The following KIF6 variants were observed in gnomAD, a reference collection of about 807,000 sequenced individuals.
The protein encoded by KIF6 is kinesin-like protein KIF6.
In KIF6, 106 loss-of-function variants were observed where a neutral mutation model predicts 112.7. The observed-to-expected ratio is 0.94, with a 90% CI of 0.80 to 1.11. KIF6 has a LOEUF of 1.11. Among genes scored for constraint, KIF6 ranks in the 50% least tolerant of loss-of-function variants. The pLI, the probability that KIF6 is intolerant of heterozygous loss-of-function variation, is 0.00. For synonymous variants in KIF6, 339 were observed against 339.9 expected, an observed-to-expected ratio of 1.00 and a Z score of 0.03; for missense variants, 929 against 964.0, an observed-to-expected ratio of 0.96 and a Z score of 0.48.
chr6:39,377,292 T>C, intron 16 of KIF6, among the ~76,000 whole-genome samples: 1 of 152,132 alleles, frequency 6.6e-6, no homozygotes, highest in African/African-American at 2.4e-5. Context: ...CAAGCGATTC[T>C]CCTACCTTGG....
chr6:39,426,469 G>T (rs998948022), intron 14 of KIF6, among the ~76,000 whole-genome samples: 1 of 152,192 alleles, frequency 6.6e-6, no homozygotes, highest in Non-Finnish European at 1.5e-5. Flanking sequence ...GTAACATGGG[G>T]CTGAGTGCAT....
At chr6:39,377,349 T>TCCCCCCCCCCCCC (rs1766520155) in intron 16 of KIF6, among the ~76,000 whole-genome samples, 3 of 139,498 alleles carry the variant, frequency 2.2e-5, no homozygotes, top group Admixed American at 7.4e-5. Flanking sequence ...GTGCCTGCCC[T>TCCCCCCCCCCCCC]GCCGTCCCCC....
chr6:39,626,150 C>A (rs1252744590), intron 5 of KIF6, among the ~76,000 whole-genome samples: 1 of 152,128 alleles, frequency 6.6e-6, no homozygotes, highest in East Asian at 1.9e-4. Context: ...AATCAGTTTC[C>A]CCTCTTCTGC....
Position 39,639,692 on chromosome 6 carries a change from G to A in KIF6, c.317C>T (p.Thr106Ile). 2 of 1,612,394 alleles carry A rather than the reference G, an allele frequency of 1.2e-6. No homozygotes were observed. The highest frequency in any genetic ancestry group is 8.5e-7 in the Non-Finnish European group (1 of 1,179,004). The change falls in exon 4 of 23, where the codon ACT becomes ATT. Residue 106 changes from threonine (T) to isoleucine (I), a missense_variant. Thr to Ile is a moderately conservative substitution (Grantham distance 89). Around this residue, in one of 2 missense-constraint regions of KIF6, gnomAD observed 688 missense variants for 662.7 expected, o/e 1.04. Coordinates refer to ENST00000287152, the MANE Select transcript of KIF6 (RefSeq NM_145027.6). ...GTAACGCTCTGCACCCCCTGTGATA[G>A]TGAATGTCTTCCCGCTGCCTGTTTG... Reference protein sequence around the residue: ...YGQTGSGKTFTITGGAERYSD... With the variant: ...YGQTGSGKTFIITGGAERYSD...
intron 5 of KIF6, among the ~76,000 whole-genome samples, chr6:39,626,084 T>G (rs1784077261): frequency 6.6e-6 from 1 of 152,040 alleles, no homozygotes; most frequent in Admixed American, 6.6e-5. Context: ...CCAGCTGAGG[T>G]TGGAGACCAT....
intron 19 of KIF6, among the ~76,000 whole-genome samples, chr6:39,356,530 G>T (rs1333170454): frequency 2.0e-5 from 3 of 152,172 alleles, no homozygotes; most frequent in Non-Finnish European, 4.4e-5. Flanking sequence ...CTCCCAAAGT[G>T]CTGGGATTAC....
At chr6:39,457,724 C>A (rs940107507) in intron 13 of KIF6, among the ~76,000 whole-genome samples, 10 of 152,154 alleles carry the variant, frequency 6.6e-5, no homozygotes. Context: ...AAACTACCAT[C>A]AAAGAATACT....
At chr6:39,708,535 GTCC>G (rs1293194218) in intron 3 of KIF6, among the ~76,000 whole-genome samples, 10 of 152,158 alleles carry the variant, frequency 6.6e-5, no homozygotes, top group Non-Finnish European at 1.2e-4. Context: ...AGCATAGCCA[GTCC>G]TCCTGCCAGT....
chr6:39,584,994 C>T lies in KIF6; in HGVS notation c.991-10G>A, dbSNP rs746429105. ...AGGTTGATATAGACTCCTAAGAAAG[C>T]AAAGTAACTTCTTAAAATATTATGG... On this transcript the variant is annotated splice_polypyrimidine_tract_variant and intron_variant, in intron 8 of 22. Transcript: ENST00000287152. 6.7e-7 allele frequency: 1 copy of T among 1,483,646 alleles called. No individual in the cohort carries two copies. Among genetic ancestry groups the T allele is most frequent in the Non-Finnish European group, 9.4e-7 (1 of 1,064,146 alleles). The allele number at this position is 1,483,646 out of a possible 1,614,324, so 91.9% of individuals were successfully genotyped here.
intron 13 of KIF6, among the ~76,000 whole-genome samples, chr6:39,451,885 C>A (rs756318099): frequency 6.6e-6 from 1 of 152,088 alleles, no homozygotes; most frequent in African/African-American, 2.4e-5. Flanking sequence ...CCCAATCTGT[C>A]CAGAAGAGCT....
chr6:39,580,674 T>C (rs1251160359), intron 9 of KIF6, among the ~76,000 whole-genome samples: 3 of 152,314 alleles, frequency 2.0e-5, no homozygotes, highest in African/African-American at 7.2e-5. Context: ...TGATGAATCA[T>C]ATTAATTCAT....
intron 13 of KIF6, among the ~76,000 whole-genome samples, chr6:39,527,234 A>G (rs1012173828): frequency 6.6e-6 from 1 of 152,160 alleles, no homozygotes; most frequent in African/African-American, 2.4e-5. Flanking sequence ...ATTAGCATCT[A>G]AGTGCCAGAA....
rs1443874174 is a variant in KIF6, at chr6:39,378,280, A to C, written c.1861+7342T>G. The stretch of plus-strand genomic sequence containing the variant: ...ACACACAAACCCACAAACCACACAC[A>C]CATACACACCACACACACAAGCACA... On this transcript the variant is annotated intron_variant, in intron 16 of 22. Coordinates refer to ENST00000287152, the MANE Select transcript of KIF6 (RefSeq NM_145027.6). This position sits in a 1 kb window ranked among gnomAD's most constrained non-coding sequence, Gnocchi z 5.0. Among the ~76,000 whole-genome samples, 4 of 151,870 alleles carry C rather than the reference A, an allele frequency of 2.6e-5. No homozygotes were observed. Among genetic ancestry groups the C allele is most frequent in the Non-Finnish European group, 4.4e-5 (3 of 67,950 alleles).
chr6:39,440,276 A>T (rs1408693132), intron 13 of KIF6, among the ~76,000 whole-genome samples: 1 of 152,140 alleles, frequency 6.6e-6, no homozygotes, highest in African/African-American at 2.4e-5. Context: ...GTATTGAAGG[A>T]TGATTATACT....
chr6:39,489,781 G>A (rs1775357871), intron 13 of KIF6, among the ~76,000 whole-genome samples: 1 of 152,192 alleles, frequency 6.6e-6, no homozygotes, highest in South Asian at 2.1e-4. Flanking sequence ...CAGGCTCAAT[G>A]ACTTTATATT....
intron 17 of KIF6, 49 bp from the exon 18 acceptor site, chr6:39,360,579 G>C (rs777015734): frequency 1.9e-6 from 3 of 1,608,998 alleles, no homozygotes; most frequent in Admixed American, 1.7e-5. Flanking sequence ...TTGAAAGCAC[G>C]GCATGGATGC....
At chr6:39,622,225 A>T (rs1389366720) in intron 5 of KIF6, among the ~76,000 whole-genome samples, 1 of 151,184 alleles carries the variant, frequency 6.6e-6, no homozygotes, top group Non-Finnish European at 1.5e-5. Context: ...TTTAACCGTT[A>T]TATTGTTTTG....
At chr6:39,463,484 A>T (rs1773602286) in intron 13 of KIF6, among the ~76,000 whole-genome samples, 2 of 152,270 alleles carry the variant, frequency 1.3e-5, no homozygotes, top group Admixed American at 1.3e-4. Flanking sequence ...ACCAGGAGAT[A>T]GCAACCATAA....
chr6:39,641,834 T>G lies in KIF6; in HGVS notation c.252-2077A>C, dbSNP rs920239423. ...TCTTCTTTCTCACTGCCAGTTGTCCTAGTATGTCTGTCTTTAATATGTGCT... is the reference window on the plus strand; with the variant it reads ...TCTTCTTTCTCACTGCCAGTTGTCCGAGTATGTCTGTCTTTAATATGTGCT... On this transcript the variant is annotated intron_variant, in intron 3 of 22. Coordinates refer to ENST00000287152, the MANE Select transcript of KIF6 (RefSeq NM_145027.6). 2.6e-5 allele frequency among the ~76,000 whole-genome samples: 4 copies of G among 152,150 alleles called. 1 individual carries two copies. The highest frequency in any genetic ancestry group is 2.6e-4 in the Admixed American group (4 of 15,240).
Sources: allele counts gnomAD v4.1 joint callset (sites outside exome capture counted in the v4.1 genomes callset), GRCh38; gene constraint gnomAD v4.1.1; regional missense constraint gnomAD v4.1.1; non-coding constraint Gnocchi (gnomAD v3.1); transcripts MANE v1.5; gene names NCBI Gene and HGNC (gene_info 2026-07-23, HGNC 2026-07-21).